ZNF184: variants seen among roughly 807,000 people sequenced by gnomAD.
ZNF184 encodes the protein zinc finger protein 184 (Kruppel-like).
A neutral mutation model predicts 54.4 loss-of-function variants in ZNF184; 16 were observed. The ratio of observed to expected loss-of-function variants is 0.29; its 90% CI spans 0.20 to 0.45. The LOEUF (loss-of-function observed/expected upper bound fraction) is 0.45. Ranked by LOEUF, ZNF184 falls within the 20% of genes least tolerant of loss-of-function variation. ZNF184 has a pLI of 1.00. For synonymous variants in ZNF184, 254 were observed against 295.3 expected, an observed-to-expected ratio of 0.86 and a Z score of 1.43; for missense variants, 681 against 888.2, an observed-to-expected ratio of 0.77 and a Z score of 2.97.
the ZNF184 span, among the ~76,000 whole-genome samples, chr6:27,422,139 TC>T: frequency 5.2e-3 from 50 of 9,630 alleles, 4 homozygotes; most frequent in African/African-American, 0.047. Flanking sequence ...AGGCCGTACC[TC>T]AAAAAAAAAA....
chr6:27,461,926 G>A (rs1437225629), intron 3 of ZNF184, among the ~76,000 whole-genome samples: 1 of 152,210 alleles, frequency 6.6e-6, no homozygotes, highest in Non-Finnish European at 1.5e-5. Flanking sequence ...CTGTGCATGG[G>A]TGTGATGAGA....
the ZNF184 span, among the ~76,000 whole-genome samples, chr6:27,432,576 G>GTA: frequency 3.3e-5 from 5 of 152,214 alleles, no homozygotes; most frequent in Non-Finnish European, 5.9e-5. The surrounding 1 kb of genome is among the most constrained non-coding windows in gnomAD (Gnocchi z 4.0). Flanking sequence ...AGAGGCTGCA[G>GTA]GGAGAGGGGT....
At chr6:27,431,855 C>T in the ZNF184 span, among the ~76,000 whole-genome samples, 2 of 152,136 alleles carry the variant, frequency 1.3e-5, no homozygotes, top group East Asian at 1.9e-4. Flanking sequence ...TGCCCCACAA[C>T]CACCCCAAAT....
chr6:27,457,191 GT>G (rs1212214031), intron 4 of ZNF184, 91 bp downstream of exon 4: 1 of 1,479,340 alleles, frequency 6.8e-7, no homozygotes, highest in East Asian at 2.3e-5. Context: ...GAAATGGTTG[GT>G]TACTAAACTT....
chr6:27,433,628 A>G, the ZNF184 span, among the ~76,000 whole-genome samples: 1 of 152,190 alleles, frequency 6.6e-6, no homozygotes, highest in Non-Finnish European at 1.5e-5. Flanking sequence ...ACTTAGCATA[A>G]TGTTTTCAAG....
At chr6:27,469,909 A>G (rs1763233168) in intron 2 of ZNF184, among the ~76,000 whole-genome samples, 1 of 152,206 alleles carries the variant, frequency 6.6e-6, no homozygotes, top group Non-Finnish European at 1.5e-5. Flanking sequence ...AAAAAAAATC[A>G]ACTAAGGGAC....
intron 3 of ZNF184, among the ~76,000 whole-genome samples, chr6:27,465,484 C>CAAAAAAAAAAAAA (rs60538455): frequency 2.8e-5 from 1 of 35,168 alleles, no homozygotes; most frequent in Non-Finnish European, 4.9e-5. Flanking sequence ...GACTCCATCT[C>CAAAAAAAAAAAAA]AAAAAAAAAA....
chr6:27,459,502 ATATAGT>A (rs1238355478), intron 3 of ZNF184, among the ~76,000 whole-genome samples: 1 of 152,194 alleles, frequency 6.6e-6, no homozygotes, highest in Non-Finnish European at 1.5e-5. Context: ...TCCCCTAAAA[ATATAGT>A]TAAACAGTAA....
At chr6:27,464,094 A>G (rs923430224) in intron 3 of ZNF184, among the ~76,000 whole-genome samples, 2 of 152,188 alleles carry the variant, frequency 1.3e-5, no homozygotes, top group African/African-American at 4.8e-5. Flanking sequence ...CCAAGTCATG[A>G]CAATCAAAAA....
At chr6:27,450,323 T>A (rs1762685805), downstream of ZNF184, among the ~76,000 whole-genome samples, 1 of 152,186 alleles carries the variant, frequency 6.6e-6, no homozygotes, top group Admixed American at 6.5e-5. Flanking sequence ...AATTTCTATG[T>A]TGAAAGCCTA....
At chr6:27,425,006 G>T in the ZNF184 span, among the ~76,000 whole-genome samples, 2 of 152,236 alleles carry the variant, frequency 1.3e-5, no homozygotes, top group African/African-American at 2.4e-5. Context: ...GAGAAATCGA[G>T]CGCAGCACCG....
At chr6:27,422,757 C>T in the ZNF184 span, among the ~76,000 whole-genome samples, 4 of 152,140 alleles carry the variant, frequency 2.6e-5, no homozygotes, top group Admixed American at 6.5e-5. Flanking sequence ...ATCTGTTCCC[C>T]GCAGTATCGC....
chr6:27,407,211 G>A, the ZNF184 span, among the ~76,000 whole-genome samples: 631 of 152,318 alleles, frequency 4.1e-3, 6 homozygotes, highest in African/African-American at 0.014. Flanking sequence ...GAACACTTGT[G>A]GGGGACGTAG....
intron 3 of ZNF184, among the ~76,000 whole-genome samples, chr6:27,464,389 C>G (rs1315654307): frequency 3.9e-5 from 6 of 152,020 alleles, no homozygotes; most frequent in Non-Finnish European, 8.8e-5. Flanking sequence ...TGGAAATACA[C>G]TATTCTAAGT....
the ZNF184 span, among the ~76,000 whole-genome samples, chr6:27,409,988 T>TCATACC: frequency 1.2e-4 from 19 of 152,226 alleles, no homozygotes; most frequent in African/African-American, 4.3e-4. Flanking sequence ...GATACACAAA[T>TCATACC]ATTTACCATT....
In ZNF184 at chr6:27,452,482, T is replaced by C; in HGVS notation, c.1077A>G (p.Glu359=). ...CACATTCATCACATTTAAAAGGTTT[T>C]TCTCCCGTATGAATTTTCTGATGTT... ...FMEHQKIHTG[E]KPFKCDECDK... Residue 359 remains glutamate (E), a synonymous_variant, in exon 6 of 6, where the codon GAA becomes GAG. Transcript: ENST00000683788. The surrounding 1 kb of genome is among the most constrained non-coding windows in gnomAD (Gnocchi z 5.5). 1 of 1,614,140 alleles carries C rather than the reference T, an allele frequency of 6.2e-7. No homozygotes were observed. The highest frequency in any genetic ancestry group is 8.5e-7 in the Non-Finnish European group (1 of 1,180,014).
At chr6:27,431,220 A>G in the ZNF184 span, among the ~76,000 whole-genome samples, 4 of 152,192 alleles carry the variant, frequency 2.6e-5, no homozygotes, top group Non-Finnish European at 1.5e-5. Context: ...AGAGGCCACA[A>G]TCAAGATGAA....
Position 27,459,880 on chromosome 6 carries a change from A to T in ZNF184, c.76-2471T>A, listed in dbSNP as rs184956036. 4.5e-4 allele frequency among the ~76,000 whole-genome samples: 69 copies of T among 152,334 alleles called. 1 individual carries two copies. The highest frequency in any genetic ancestry group is 1.6e-3 in the African/African-American group (65 of 41,578). On this transcript the variant is annotated intron_variant, in intron 3 of 5. Coordinates refer to ENST00000683788, the MANE Select transcript of ZNF184 (RefSeq NM_001318891.2). ...ACTCATTAGAAAATATGTACACAAGAGGACAGGCATGGTGGCTCACACCTG... is the reference window on the plus strand; with the variant it reads ...ACTCATTAGAAAATATGTACACAAGTGGACAGGCATGGTGGCTCACACCTG...
chr6:27,419,876 C>A, the ZNF184 span, among the ~76,000 whole-genome samples: 4 of 152,198 alleles, frequency 2.6e-5, no homozygotes, highest in Non-Finnish European at 5.9e-5. This position sits in a 1 kb window ranked among gnomAD's most constrained non-coding sequence, Gnocchi z 4.8. Context: ...CAGCTAGCAG[C>A]CAGAAAACTC....
Sources: allele counts gnomAD v4.1 joint callset (sites outside exome capture counted in the v4.1 genomes callset), GRCh38; gene constraint gnomAD v4.1.1; non-coding constraint Gnocchi (gnomAD v3.1); transcripts MANE v1.5; gene names NCBI Gene and HGNC (gene_info 2026-07-23, HGNC 2026-07-21).